Variants in CCDC60 observed in about 807,000 individuals in gnomAD.
CCDC60 encodes coiled-coil domain-containing protein 60.
In CCDC60, 54 loss-of-function variants were observed where a neutral mutation model predicts 63.5. The ratio of observed to expected loss-of-function variants is 0.85; its 90% CI spans 0.68 to 1.07. CCDC60 has a LOEUF of 1.07. Ranked by LOEUF, CCDC60 falls within the 50% of genes least tolerant of loss-of-function variation. The pLI is 0.00. For missense variants in CCDC60, 651 were observed against 684.3 expected (o/e 0.95, Z 0.54); for synonymous variants, 206 against 238.8 (o/e 0.86, Z 1.27).
chr12:119,426,878 A>G (rs1426893698), intron 1 of CCDC60, among the ~76,000 whole-genome samples: 2 of 152,202 alleles, frequency 1.3e-5, no homozygotes, highest in Non-Finnish European at 2.9e-5. Context: ...CAACTTTGAA[A>G]CAACAATGCT....
chr12:119,353,925 T>C (rs947630789), intron 1 of CCDC60, among the ~76,000 whole-genome samples: 1 of 152,068 alleles, frequency 6.6e-6, no homozygotes. Context: ...ATACAAAAAA[T>C]TAGCTGGGTG....
intron 12 of CCDC60, among the ~76,000 whole-genome samples, chr12:119,529,411 G>A (rs1187090390): frequency 6.6e-6 from 1 of 152,084 alleles, no homozygotes; most frequent in Non-Finnish European, 1.5e-5. Flanking sequence ...TTTAGGATTC[G>A]AACTCCTGTC....
chr12:119,510,043 A>G (rs1805450451), intron 7 of CCDC60, among the ~76,000 whole-genome samples: 1 of 152,200 alleles, frequency 6.6e-6, no homozygotes, highest in African/African-American at 2.4e-5. Flanking sequence ...CTTCTGGTCT[A>G]GAATCTCTTC....
At chr12:119,373,335 T>A (rs1955916794) in intron 1 of CCDC60, among the ~76,000 whole-genome samples, 1 of 152,186 alleles carries the variant, frequency 6.6e-6, no homozygotes, top group African/African-American at 2.4e-5. Context: ...AAAGAAAAGC[T>A]GGCTCCAATC....
intron 1 of CCDC60, among the ~76,000 whole-genome samples, chr12:119,340,661 C>T (rs962771512): frequency 6.6e-6 from 1 of 152,110 alleles, no homozygotes; most frequent in Non-Finnish European, 1.5e-5. Context: ...AAACATTTTC[C>T]CCAACAAGAG....
intron 2 of CCDC60, among the ~76,000 whole-genome samples, chr12:119,443,976 C>G (rs181125898): frequency 6.6e-6 from 1 of 152,216 alleles, no homozygotes; most frequent in East Asian, 1.9e-4. Flanking sequence ...CATACACACA[C>G]ACATACACCA....
At chr12:119,528,482 A>T in intron 11 of CCDC60, 133 bp from the exon 12 acceptor site, 1 of 1,035,878 alleles carries the variant, frequency 9.7e-7, no homozygotes, top group Non-Finnish European at 1.4e-6. Context: ...AGCCTAAGTT[A>T]AAGATTAGCT....
intron 2 of CCDC60, among the ~76,000 whole-genome samples, chr12:119,453,176 A>C (rs1950665704): frequency 6.6e-6 from 1 of 151,836 alleles, no homozygotes; most frequent in Admixed American, 6.6e-5. Flanking sequence ...TTTGGCCTAA[A>C]CCCTTAGATT....
In CCDC60 at chr12:119,500,243, T is replaced by C. The variant is rs80155680; in HGVS notation, c.648+75T>C. On this transcript the variant is annotated intron_variant, in intron 6 of 13. Transcript: ENST00000327554. Reference sequence around the variant, plus strand: ...TGTTGAGGAGTATTTTTGCCAGTCTTTTCTCTGATGGGAATTTTTTTTTCC... The same window carrying C: ...TGTTGAGGAGTATTTTTGCCAGTCTCTTCTCTGATGGGAATTTTTTTTTCC... 1.8e-3 allele frequency: 1,804 copies of C among 1,012,080 alleles called. 25 individuals carry two copies. The African/African-American group carries it at 0.027, about 15-fold the overall frequency. 62.7% of individuals were successfully genotyped at this position (1,012,080 alleles called of 1,614,324 possible). A position where few individuals can be genotyped will look rare whatever the true frequency, so the allele number is the denominator to read the frequency against.
At chr12:119,414,465 C>A (rs1241026112) in intron 1 of CCDC60, among the ~76,000 whole-genome samples, 2 of 152,168 alleles carry the variant, frequency 1.3e-5, no homozygotes, top group East Asian at 3.8e-4. Flanking sequence ...CCTTCCAGTT[C>A]AAAGGATGGG....
intron 2 of CCDC60, among the ~76,000 whole-genome samples, chr12:119,461,506 T>G (rs1357677351): frequency 6.6e-6 from 1 of 151,272 alleles, no homozygotes; most frequent in Non-Finnish European, 1.5e-5. Context: ...CTCCTATTGC[T>G]GCAGTAAGCA....
rs868106926 is a variant in CCDC60 at position 119,506,450 on chromosome 12, A to G, written c.883+1147A>G. Among the ~76,000 whole-genome samples the G allele has an allele frequency of 7.6e-3, 1,151 of 151,042 alleles. 10 individuals are homozygous for G. Among genetic ancestry groups the G allele is most frequent in the African/African-American group, 0.026 (1,083 of 41,176 alleles). Reference sequence around the variant, plus strand: ...AAACCTCATCTCTCAAAAAAAAAAAAAAAAAAAAAAAAATTAGCCATGCAT... The same window carrying G: ...AAACCTCATCTCTCAAAAAAAAAAAGAAAAAAAAAAAAATTAGCCATGCAT... On this transcript the variant is annotated intron_variant, in intron 7 of 13. Coordinates refer to ENST00000327554, the MANE Select transcript of CCDC60 (RefSeq NM_178499.5).
At chr12:119,519,485 C>T (rs1346376562) in intron 8 of CCDC60, among the ~76,000 whole-genome samples, 4 of 118,266 alleles carry the variant, frequency 3.4e-5, no homozygotes. Flanking sequence ...TTTTTTTTGA[C>T]AGAGTCATGC....
At chr12:119,481,729 T>C (rs1951322556) in intron 4 of CCDC60, among the ~76,000 whole-genome samples, 1 of 152,000 alleles carries the variant, frequency 6.6e-6, no homozygotes, top group South Asian at 2.1e-4. Flanking sequence ...GCAGCCAATT[T>C]GTAGTCTTTT....
chr12:119,375,531 T>G (rs887354888), intron 1 of CCDC60, among the ~76,000 whole-genome samples: 1 of 152,162 alleles, frequency 6.6e-6, no homozygotes, highest in African/African-American at 2.4e-5. Flanking sequence ...CATCAGAGAA[T>G]GTCCCCATAC....
intron 7 of CCDC60, among the ~76,000 whole-genome samples, chr12:119,509,134 A>G (rs1313254827): frequency 2.0e-5 from 3 of 151,976 alleles, no homozygotes; most frequent in African/African-American, 7.3e-5. Flanking sequence ...ACTCCCTCAA[A>G]CCCTACCCTC....
At chr12:119,507,604 ATATATATATATTTTTTTT>A (rs1952079532) in intron 7 of CCDC60, among the ~76,000 whole-genome samples, 2 of 25,184 alleles carry the variant, frequency 7.9e-5, no homozygotes, top group African/African-American at 4.8e-4. Flanking sequence ...ATATATATAT[ATATATATATATTTTTTTT>A]TTTTTTTTCT....
chr12:119,445,115 C>G (rs557397661), intron 2 of CCDC60, among the ~76,000 whole-genome samples: 22 of 152,088 alleles, frequency 1.4e-4, no homozygotes, highest in Middle Eastern at 3.4e-3. Context: ...CTAAATTTCC[C>G]ATGAAAATGA....
At chr12:119,470,364 C>G (rs1401176742) in intron 2 of CCDC60, among the ~76,000 whole-genome samples, 3 of 152,208 alleles carry the variant, frequency 2.0e-5, no homozygotes, top group Non-Finnish European at 4.4e-5. Context: ...TGTGCAGCCC[C>G]AGTCCCCTGA....
Sources: allele counts gnomAD v4.1 joint callset (sites outside exome capture counted in the v4.1 genomes callset), GRCh38; gene constraint gnomAD v4.1.1; transcripts MANE v1.5; gene names NCBI Gene and HGNC (gene_info 2026-07-23, HGNC 2026-07-21).